FNDC3A: variants seen among roughly 807,000 people sequenced by gnomAD.
FNDC3A encodes the protein fibronectin type III domain containing 3A.
In FNDC3A, 32 loss-of-function variants were observed where a neutral mutation model predicts 148.9. The ratio of observed to expected loss-of-function variants is 0.21; its 90% CI spans 0.16 to 0.29. FNDC3A has a LOEUF of 0.29. FNDC3A is among the 10% of genes least tolerant of loss of function. The probability of loss-of-function intolerance (pLI) is 1.00; values close to 1 mark genes in which losing one functional copy is unlikely to be tolerated. For synonymous variants in FNDC3A, 472 were observed against 473.6 expected, an observed-to-expected ratio of 1.00 and a Z score of 0.04; for missense variants, 1,191 against 1,452.8, an observed-to-expected ratio of 0.82 and a Z score of 2.93.
At chr13:49,105,003 A>G (rs1880084699) in intron 3 of FNDC3A, among the ~76,000 whole-genome samples, 1 of 152,234 alleles carries the variant, frequency 6.6e-6, no homozygotes. Context: ...AATATAAGTC[A>G]TAAACTAGGA....
At chr13:49,015,193 A>G (rs903473254) in intron 2 of FNDC3A, among the ~76,000 whole-genome samples, 19 of 152,104 alleles carry the variant, frequency 1.2e-4, no homozygotes, top group African/African-American at 4.3e-4. Flanking sequence ...CTTGGGCAGT[A>G]TGGCCATTTT....
chr13:49,108,657 T>C (rs1880354175), intron 3 of FNDC3A, among the ~76,000 whole-genome samples: 1 of 152,178 alleles, frequency 6.6e-6, no homozygotes, highest in African/African-American at 2.4e-5. Flanking sequence ...ACAGGCTGTG[T>C]GCAAATGTGA....
At chr13:49,097,299 T>A (rs180991017) in intron 3 of FNDC3A, among the ~76,000 whole-genome samples, 1 of 152,012 alleles carries the variant, frequency 6.6e-6, no homozygotes, top group African/African-American at 2.4e-5. Context: ...AATATTTCTT[T>A]TAGATGATTA....
intron 2 of FNDC3A, among the ~76,000 whole-genome samples, chr13:49,025,906 A>C (rs1010462549): frequency 6.6e-6 from 1 of 152,196 alleles, no homozygotes; most frequent in African/African-American, 2.4e-5. Flanking sequence ...TTCCAAATCC[A>C]ACACATATAT....
Position 49,207,475 on chromosome 13 carries a change from AAC to A in FNDC3A, c.*82_*83del. The A allele has an allele frequency of 1.0e-6, 1 of 966,616 alleles. No individual in the cohort carries two copies. The highest frequency in any genetic ancestry group is 1.5e-6 in the Non-Finnish European group (1 of 653,000). 59.9% of individuals were successfully genotyped at this position (966,616 alleles called of 1,614,324 possible). Reference sequence around the variant, plus strand: ...TTATTTCTGTATTGCTTTTATAAAAAACAGTGGCATTTAGCACTGGCATTGAG... The same window carrying A: ...TTATTTCTGTATTGCTTTTATAAAAAAGTGGCATTTAGCACTGGCATTGAG... On this transcript the variant is annotated 3_prime_UTR_variant, in exon 26 of 26. Transcript: ENST00000492622.
intron 2 of FNDC3A, among the ~76,000 whole-genome samples, chr13:49,038,637 T>C (rs1874686657): frequency 6.6e-6 from 1 of 152,244 alleles, no homozygotes; most frequent in Non-Finnish European, 1.5e-5. Context: ...ATAATTTATT[T>C]GTAAATATTG....
chr13:48,980,962 TTAAAAC>T (rs1276070799), intron 1 of FNDC3A, among the ~76,000 whole-genome samples: 1 of 152,158 alleles, frequency 6.6e-6, no homozygotes, highest in Non-Finnish European at 1.5e-5. Context: ...GTTAAAAACA[TTAAAAC>T]CAACCAAACA....
At chr13:49,128,412 G>A (rs972047813) in intron 4 of FNDC3A, among the ~76,000 whole-genome samples, 5 of 152,114 alleles carry the variant, frequency 3.3e-5, no homozygotes, top group East Asian at 1.9e-4. Context: ...AAACATTTGA[G>A]GTGGGGTGAT....
intron 5 of FNDC3A, among the ~76,000 whole-genome samples, chr13:49,132,199 A>C (rs2137927227): frequency 6.6e-6 from 1 of 152,272 alleles, no homozygotes; most frequent in East Asian, 1.9e-4. Context: ...TCCATCCACC[A>C]TCAGCTCTTG....
chr13:49,180,970 C>A (rs1355439252), intron 14 of FNDC3A, among the ~76,000 whole-genome samples: 1 of 152,128 alleles, frequency 6.6e-6, no homozygotes, highest in African/African-American at 2.4e-5. Flanking sequence ...AATCCCAACA[C>A]TTTCGGAGGC....
chr13:49,207,009 C>T (rs1340108183), intron 25 of FNDC3A, 72 bp from the exon 26 acceptor site: 20 of 1,078,440 alleles, frequency 1.9e-5, no homozygotes, highest in Non-Finnish European at 2.6e-5. Flanking sequence ...ACAATTCTAA[C>T]ACTAGCCAGT....
chr13:48,978,899 A>G (rs544937576), intron 1 of FNDC3A, among the ~76,000 whole-genome samples: 11 of 152,306 alleles, frequency 7.2e-5, no homozygotes, highest in African/African-American at 2.6e-4. Context: ...GTACTTTTAC[A>G]TGTATTGTGA....
intron 2 of FNDC3A, among the ~76,000 whole-genome samples, chr13:49,014,724 G>A (rs1210038032): frequency 7.9e-6 from 1 of 126,434 alleles, no homozygotes; most frequent in African/African-American, 2.8e-5. Flanking sequence ...GGGTTTTTAT[G>A]GTTTTAGGTC....
chr13:49,012,037 A>G (rs956980869), intron 2 of FNDC3A, among the ~76,000 whole-genome samples: 3 of 152,188 alleles, frequency 2.0e-5, no homozygotes, highest in Admixed American at 6.5e-5. Flanking sequence ...CTGTTGCTCC[A>G]CAATGATACT....
chr13:49,015,207 G>A (rs573103988), intron 2 of FNDC3A, among the ~76,000 whole-genome samples: 4 of 152,224 alleles, frequency 2.6e-5, no homozygotes, highest in South Asian at 2.1e-4. Flanking sequence ...CCATTTTCAC[G>A]ATACTGATTC....
At chr13:48,983,164 GATA>G (rs1951725979) in intron 1 of FNDC3A, among the ~76,000 whole-genome samples, 1 of 152,206 alleles carries the variant, frequency 6.6e-6, no homozygotes, top group Non-Finnish European at 1.5e-5. Context: ...TGGGATGAGA[GATA>G]ATGATATGTA....
intron 2 of FNDC3A, among the ~76,000 whole-genome samples, chr13:49,026,486 G>T (rs1305043760): frequency 6.6e-6 from 1 of 152,082 alleles, no homozygotes; most frequent in Non-Finnish European, 1.5e-5. Context: ...TTGCTAAGAG[G>T]TTTTGTTTCA....
At chr13:49,181,090 T>C (rs1885278573) in intron 14 of FNDC3A, among the ~76,000 whole-genome samples, 1 of 152,076 alleles carries the variant, frequency 6.6e-6, no homozygotes. Context: ...CTTAATAATA[T>C]TAACTAATTA....
intron 1 of FNDC3A, among the ~76,000 whole-genome samples, chr13:48,993,280 G>A (rs1267510894): frequency 1.3e-5 from 2 of 152,128 alleles, no homozygotes; most frequent in Non-Finnish European, 2.9e-5. Context: ...GAGACTAGCA[G>A]CATCAGCCTA....
Sources: allele counts gnomAD v4.1 joint callset (sites outside exome capture counted in the v4.1 genomes callset), GRCh38; gene constraint gnomAD v4.1.1; transcripts MANE v1.5; gene names NCBI Gene and HGNC (gene_info 2026-07-23, HGNC 2026-07-21).